Variants in NCAPH2 observed in about 807,000 individuals in gnomAD.
NCAPH2 encodes condensin-2 complex subunit H2.
A neutral mutation model predicts 88.6 loss-of-function variants in NCAPH2; 56 were observed. That is an observed-to-expected ratio of 0.63 (90% CI 0.51 to 0.79). NCAPH2 has a LOEUF of 0.79. NCAPH2 is among the 30% of genes least tolerant of loss of function. NCAPH2 has a pLI of 0.00. For synonymous variants in NCAPH2, 378 were observed against 313.6 expected (o/e 1.21, Z -2.17); for missense variants, 794 against 792.0 (o/e 1.00, Z -0.03).
rs1327525986 is a variant in NCAPH2 at position 50,518,715 on chromosome 22, G to A, written c.713G>A (p.Gly238Asp). Residue 238 changes from glycine to aspartate, a missense_variant, in exon 8 of 20, where the codon GGC becomes GAC. Gly to Asp is a moderately conservative substitution (Grantham distance 94). Around this residue, in one of 2 missense-constraint regions of NCAPH2, gnomAD observed 735 missense variants for 696.3 expected, o/e 1.06. Coordinates refer to ENST00000420993, the MANE Select transcript of NCAPH2 (RefSeq NM_152299.4). ...SVCRSPVPAL[G>D]FSQEPGPSPE... ...TGCAGGAGCCCTGTCCCAGCACTCG[G>A]CTTCTCCCAGGAGCCAGGTGAGAAG... 1.2e-6 allele frequency: 2 copies of A among 1,606,540 alleles called. No homozygotes were observed. The highest frequency in any genetic ancestry group is 1.7e-6 in the Non-Finnish European group (2 of 1,177,472).
rs534799266 is a variant in NCAPH2 at position 50,512,746 on chromosome 22, G to A, written c.109-3701G>A. ...TTTTTGGTAGAGATGGGGTGTCACTGTGTTGCCCAGGCTGTTCTCAAACTC... is the reference window on the plus strand; with the variant it reads ...TTTTTGGTAGAGATGGGGTGTCACTATGTTGCCCAGGCTGTTCTCAAACTC... On this transcript the variant is annotated intron_variant, in intron 1 of 19. Coordinates refer to ENST00000420993, the MANE Select transcript of NCAPH2 (RefSeq NM_152299.4). Among the ~76,000 whole-genome samples the A allele has an allele frequency of 1.0e-3, 156 of 152,030 alleles. 1 individual carries two copies. The highest frequency in any genetic ancestry group is 3.2e-3 in the African/African-American group (134 of 41,466).
intron 8 of NCAPH2, 55 bp downstream of exon 8, chr22:50,518,787 G>A: frequency 6.6e-7 from 1 of 1,510,108 alleles, no homozygotes; most frequent in South Asian, 1.2e-5. Flanking sequence ...GGGGACCAGG[G>A]AGGCAGCACC....
At chr22:50,520,740 T>G in intron 9 of NCAPH2, 1 of 496,942 alleles carries the variant, frequency 2.0e-6, no homozygotes, top group East Asian at 3.5e-5. Flanking sequence ...TTTTGCATTT[T>G]TAGTAGAGGC....
At position 50,523,575 on chromosome 22, in the gene NCAPH2, C is replaced by T. The variant is rs2069182662; in HGVS notation, c.*200C>T. The T allele has an allele frequency of 1.9e-6, 3 of 1,605,396 alleles. No homozygotes were observed. Among genetic ancestry groups the T allele is most frequent in the Middle Eastern group, 4.0e-4 (2 of 4,990 alleles). On this transcript the variant is annotated 3_prime_UTR_variant, in exon 20 of 20. Transcript: ENST00000420993. ...ATCACACACACACACAGATTAAACG[C>T]AGCCCGTTTAATGATGGGGCCCAGA...
At position 50,522,565 on chromosome 22, in the gene NCAPH2, C is replaced by A. The variant is rs750778947; in HGVS notation, c.1371C>A (p.Asp457Glu). Residue 457 changes from aspartate to glutamate, a missense_variant, in exon 16 of 20, where the codon GAC (aspartate) becomes GAA (glutamate). Asp to Glu is a conservative substitution (Grantham distance 45). This residue lies in a region of NCAPH2 where 735 missense variants were observed against 696.3 expected (regional missense o/e 1.06). Transcript: ENST00000420993. Reference sequence around the variant, plus strand: ...GAGCAGACCCCAGGGAAGCCGCTGACCTTGGTAGGTGGGCAGCGGGCTAGG... The same window carrying A: ...GAGCAGACCCCAGGGAAGCCGCTGAACTTGGTAGGTGGGCAGCGGGCTAGG... Reference protein sequence around the residue: ...PEGADPREAADLDAVPMSLSY... With the variant: ...PEGADPREAAELDAVPMSLSY... 7 of 1,613,762 alleles carry A rather than the reference C, an allele frequency of 4.3e-6. No homozygotes were observed. The East Asian group carries it at 1.6e-4, about 36-fold the overall frequency.
rs747576942 is a variant in NCAPH2, at chr22:50,522,084, C to T, written c.1162+45C>T. The T allele has an allele frequency of 2.5e-6, 4 of 1,613,388 alleles. No homozygotes were observed. In the African/African-American group the frequency reaches 5.3e-5, roughly 22 times the overall value. On this transcript the variant is annotated intron_variant, in intron 13 of 19. Coordinates refer to ENST00000420993, the MANE Select transcript of NCAPH2 (RefSeq NM_152299.4). ...GGAAGACAGTTTTACTCTCCTTCCC[C>T]TACCTCTTCCCCCACCTGGTGTCAC...
chr22:50,510,956 C>T (rs1216280104), intron 1 of NCAPH2, among the ~76,000 whole-genome samples: 1 of 150,980 alleles, frequency 6.6e-6, no homozygotes, highest in Non-Finnish European at 1.5e-5. Context: ...ACGCCATTTT[C>T]CTGCCTCAGC....
intron 9 of NCAPH2, among the ~76,000 whole-genome samples, chr22:50,520,201 T>C (rs536446831): frequency 1.3e-5 from 2 of 150,926 alleles, no homozygotes; most frequent in South Asian, 4.2e-4. Flanking sequence ...TTTCTTAGGG[T>C]TTTTGTTTTA....
At position 50,522,979 on chromosome 22, in the gene NCAPH2, G is replaced by A. The variant is rs373090539; in HGVS notation, c.1528-38G>A. The A allele has an allele frequency of 1.9e-4, 301 of 1,608,296 alleles. 2 individuals are homozygous for A. In the South Asian group the frequency reaches 3.2e-3, roughly 17 times the overall value. ...GTGCCACGGGTCTGTCCAGGGCCTT[G>A]CCTCTCTCCGCAGCCAACATGCCCC... is the stretch of plus-strand genomic sequence containing the variant. On this transcript the variant is annotated intron_variant, in intron 18 of 19. Transcript: ENST00000420993.
At position 50,523,352 on chromosome 22, in the gene NCAPH2, G is replaced by A. The variant is rs1297345440; in HGVS notation, c.1795G>A (p.Ala599Thr). 3.2e-6 allele frequency: 5 copies of A among 1,556,100 alleles called. No individual in the cohort carries two copies. The highest frequency in any genetic ancestry group is 4.8e-5 in the East Asian group (2 of 41,360). Residue 599 changes from alanine (A) to threonine (T), a missense_variant, in exon 20 of 20, where the codon GCC becomes ACC. Transcript: ENST00000420993. Reference protein sequence around the residue: ...RAHKRFQTYAAPSMAQP With the variant: ...RAHKRFQTYATPSMAQP ...GCACAAGCGCTTCCAGACCTACGCT[G>A]CCCCCTCCATGGCCCAGCCCTGAGT...
intron 8 of NCAPH2, 118 bp from the exon 9 acceptor site, chr22:50,519,072 G>A (rs138261040): frequency 0.022 from 23,290 of 1,037,114 alleles, 360 homozygotes; most frequent in Non-Finnish European, 0.027. Flanking sequence ...CAAGGCACCC[G>A]CCAAATCCTC....
rs2069214906 is a variant in NCAPH2, at chr22:50,524,103, G to T, written c.*728G>T. 1 of 1,612,882 alleles carries T rather than the reference G, an allele frequency of 6.2e-7. No homozygotes were observed. Among genetic ancestry groups the T allele is most frequent in the African/African-American group, 1.3e-5 (1 of 74,920 alleles). The stretch of plus-strand genomic sequence containing the variant: ...GGCCTCTGTGATCCAGCAGGTGGAA[G>T]TCGCCCTGGCCCACAGCTGCCTGGC... On this transcript the variant is annotated 3_prime_UTR_variant, in exon 20 of 20. Coordinates refer to ENST00000420993, the MANE Select transcript of NCAPH2 (RefSeq NM_152299.4).
chr22:50,514,873 T>G (rs1408428818), intron 1 of NCAPH2, among the ~76,000 whole-genome samples: 1 of 152,212 alleles, frequency 6.6e-6, no homozygotes, highest in Admixed American at 6.5e-5. Flanking sequence ...CCTAAAATCT[T>G]GCCTCTCCCC....
chr22:50,516,572 T>G (rs781620450), intron 2 of NCAPH2, 24 bp downstream of exon 2: 6 of 1,609,920 alleles, frequency 3.7e-6, no homozygotes, highest in Non-Finnish European at 8.5e-7. Context: ...GACGCTGGTC[T>G]TGGCATTTTG....
intron 3 of NCAPH2, 43 bp downstream of exon 3, chr22:50,517,525 A>G: frequency 6.2e-7 from 1 of 1,614,026 alleles, no homozygotes; most frequent in Non-Finnish European, 8.5e-7. Context: ...GCATGTGGCC[A>G]GGGAGGCCCC....
Position 50,515,868 on chromosome 22 carries a change from G to A in NCAPH2, c.109-579G>A, listed in dbSNP as rs1442713586. On this transcript the variant is annotated intron_variant, in intron 1 of 19. Transcript: ENST00000420993. ...CAGAGCTAAGGAGAGAGAGCTGGTC[G>A]GGTTGGGTTTGGGGCTCATTGGCTT... The A allele has an allele frequency of 1.4e-5, 17 of 1,189,618 alleles. No individual in the cohort carries two copies. The East Asian group carries it at 2.9e-4, about 20-fold the overall frequency. 73.7% of individuals were successfully genotyped at this position (1,189,618 alleles called of 1,614,324 possible).
At chr22:50,519,974 C>T (rs565554508) in intron 9 of NCAPH2, among the ~76,000 whole-genome samples, 1 of 151,962 alleles carries the variant, frequency 6.6e-6, no homozygotes, top group Non-Finnish European at 1.5e-5. Flanking sequence ...GGGTTCACGC[C>T]ATTCTCCTCC....
chr22:50,508,575 G>A (rs1603440045), intron 1 of NCAPH2, 130 bp downstream of exon 1: 1 of 573,240 alleles, frequency 1.7e-6, no homozygotes. Context: ...GGCCGCGCAG[G>A]TCCTCGGGCT....
At chr22:50,521,442 T>G in intron 10 of NCAPH2, 101 bp from the exon 11 acceptor site, 6 of 1,247,564 alleles carry the variant, frequency 4.8e-6, no homozygotes, top group Non-Finnish European at 7.0e-6. Flanking sequence ...GTGTACCCCC[T>G]ACTCTTCCTT....
Sources: allele counts gnomAD v4.1 joint callset (sites outside exome capture counted in the v4.1 genomes callset), GRCh38; gene constraint gnomAD v4.1.1; regional missense constraint gnomAD v4.1.1; transcripts MANE v1.5; gene names NCBI Gene and HGNC (gene_info 2026-07-23, HGNC 2026-07-21).